TMEM132C: variants seen among roughly 807,000 people sequenced by gnomAD.
The protein encoded by TMEM132C is transmembrane protein 132C.
Under a neutral mutation model 61.4 loss-of-function variants are expected in TMEM132C, and 29 were observed. The ratio of observed to expected loss-of-function variants is 0.47; its 90% CI spans 0.35 to 0.64. The LOEUF (loss-of-function observed/expected upper bound fraction) is 0.64, where lower values mean the gene tolerates loss of function less well. Among genes scored for constraint, TMEM132C ranks in the 30% least tolerant of loss-of-function variants. The pLI, the probability that TMEM132C is intolerant of heterozygous loss-of-function variation, is 0.00. For synonymous variants in TMEM132C, 656 were observed against 633.1 expected (o/e 1.04, Z -0.54); for missense variants, 1,408 against 1,476.9 (o/e 0.95, Z 0.76).
chr12:128,635,873 G>T (rs1565998174), intron 4 of TMEM132C, among the ~76,000 whole-genome samples: 1 of 152,132 alleles, frequency 6.6e-6, no homozygotes, highest in Non-Finnish European at 1.5e-5. Context: ...CCCCCAAGTT[G>T]TGACAAAGGC....
chr12:128,494,972 G>T (rs1285911852), intron 2 of TMEM132C, among the ~76,000 whole-genome samples: 6 of 143,298 alleles, frequency 4.2e-5, no homozygotes, highest in East Asian at 2.2e-4. Flanking sequence ...CCTTTCTCTT[G>T]TGGGCATTTA....
At chr12:128,585,608 C>T (rs1875514964) in intron 3 of TMEM132C, among the ~76,000 whole-genome samples, 1 of 152,200 alleles carries the variant, frequency 6.6e-6, no homozygotes, top group African/African-American at 2.4e-5. Flanking sequence ...ATTGTATAGC[C>T]ATTTAAAATG....
intron 2 of TMEM132C, among the ~76,000 whole-genome samples, chr12:128,494,920 C>G (rs893227704): frequency 2.5e-4 from 38 of 151,308 alleles, no homozygotes; most frequent in African/African-American, 8.2e-4. Flanking sequence ...TTCTCTAGTT[C>G]TTTTAATTGT....
intron 4 of TMEM132C, among the ~76,000 whole-genome samples, chr12:128,633,206 T>TC (rs1409911597): frequency 1.3e-5 from 2 of 151,802 alleles, no homozygotes; most frequent in African/African-American, 4.8e-5. Context: ...GGTGGCTGGC[T>TC]CCCCCCAGAG....
intron 3 of TMEM132C, among the ~76,000 whole-genome samples, chr12:128,572,543 T>C (rs1280730653): frequency 6.7e-6 from 1 of 150,304 alleles, no homozygotes; most frequent in Non-Finnish European, 1.5e-5. Context: ...CGGGCCTGGG[T>C]CACATGCTTA....
chr12:128,624,339 T>G (rs149700933), intron 4 of TMEM132C, among the ~76,000 whole-genome samples: 2 of 151,188 alleles, frequency 1.3e-5, no homozygotes, highest in Admixed American at 1.3e-4. Context: ...AGGTCAGGAG[T>G]TCAAGACCAC....
At chr12:128,399,441 A>G (rs1179002413) in intron 1 of TMEM132C, among the ~76,000 whole-genome samples, 1 of 152,186 alleles carries the variant, frequency 6.6e-6, no homozygotes, top group Non-Finnish European at 1.5e-5. Context: ...TTCTCAAACC[A>G]TATGCTATGT....
chr12:128,465,709 G>T (rs78366960), intron 2 of TMEM132C, among the ~76,000 whole-genome samples: 1 of 152,370 alleles, frequency 6.6e-6, no homozygotes, highest in Admixed American at 6.5e-5. Flanking sequence ...CTTGGGTGTG[G>T]TGTGAGGGCC....
At chr12:128,288,009 T>C (rs1871128018) in intron 1 of TMEM132C, 1 of 152,240 alleles carries the variant, frequency 6.6e-6, no homozygotes, top group East Asian at 1.9e-4. Flanking sequence ...TGGTGCAGTC[T>C]TAATATCACT....
At chr12:128,436,916 A>C (rs1470638438) in intron 2 of TMEM132C, among the ~76,000 whole-genome samples, 1 of 152,232 alleles carries the variant, frequency 6.6e-6, no homozygotes, top group Non-Finnish European at 1.5e-5. Context: ...TCAATGATAG[A>C]CTGGATTAAG....
intron 4 of TMEM132C, among the ~76,000 whole-genome samples, chr12:128,647,618 TGTGA>T (rs1429089901): frequency 2.6e-5 from 4 of 151,326 alleles, no homozygotes. Flanking sequence ...GAGCGTTGGA[TGTGA>T]GTGTGTTTAC....
At chr12:128,669,010 G>A (rs1483937925) in intron 4 of TMEM132C, among the ~76,000 whole-genome samples, 1 of 152,152 alleles carries the variant, frequency 6.6e-6, no homozygotes, top group African/African-American at 2.4e-5. Flanking sequence ...GGAGATTAGA[G>A]CATGGATATC....
intron 1 of TMEM132C, among the ~76,000 whole-genome samples, chr12:128,361,594 T>A (rs1873710095): frequency 6.6e-6 from 1 of 152,172 alleles, no homozygotes; most frequent in African/African-American, 2.4e-5. Flanking sequence ...GGCAACATCT[T>A]GAACTGTTTT....
intron 2 of TMEM132C, among the ~76,000 whole-genome samples, chr12:128,488,003 G>A (rs1302108065): frequency 6.6e-6 from 1 of 152,198 alleles, no homozygotes; most frequent in East Asian, 1.9e-4. Context: ...CACACACACA[G>A]TGGTGTCCTG....
At chr12:128,455,420 A>G (rs1870306925) in intron 2 of TMEM132C, among the ~76,000 whole-genome samples, 1 of 152,198 alleles carries the variant, frequency 6.6e-6, no homozygotes, top group Non-Finnish European at 1.5e-5. Flanking sequence ...GGAGGGGAAT[A>G]TGTGACCTAC....
intron 3 of TMEM132C, among the ~76,000 whole-genome samples, chr12:128,550,630 G>A (rs1000143086): frequency 2.0e-5 from 3 of 152,182 alleles, no homozygotes; most frequent in Non-Finnish European, 4.4e-5. Context: ...AAGGACACCA[G>A]TCCTGTGGGA....
At chr12:128,481,977 T>C (rs1419864304) in intron 2 of TMEM132C, among the ~76,000 whole-genome samples, 1 of 152,184 alleles carries the variant, frequency 6.6e-6, no homozygotes, top group Admixed American at 6.5e-5. Context: ...TTCTTCAGTA[T>C]TGGGTTTCAA....
intron 3 of TMEM132C, among the ~76,000 whole-genome samples, chr12:128,573,983 G>A (rs564370174): frequency 1.1e-4 from 17 of 151,548 alleles, no homozygotes; most frequent in African/African-American, 3.6e-4. Context: ...GTTTCCCCAA[G>A]GAAAACTGGA....
intron 2 of TMEM132C, among the ~76,000 whole-genome samples, chr12:128,503,097 C>T (rs890785902): frequency 2.0e-5 from 3 of 152,192 alleles, no homozygotes; most frequent in African/African-American, 7.2e-5. Context: ...AAAATGGTCC[C>T]ATTAACTCTC....
Sources: allele counts gnomAD v4.1 joint callset (sites outside exome capture counted in the v4.1 genomes callset), GRCh38; gene constraint gnomAD v4.1.1; transcripts MANE v1.5; gene names NCBI Gene and HGNC (gene_info 2026-07-23, HGNC 2026-07-21).